The following TTC8 variants were observed in gnomAD, a reference collection of about 807,000 sequenced individuals.
TTC8 encodes the protein tetratricopeptide repeat protein 8.
TTC8 carries 47 observed loss-of-function variants against 72.5 expected under a neutral mutation model. The ratio of observed to expected loss-of-function variants is 0.65; its 90% CI spans 0.51 to 0.83. The LOEUF (loss-of-function observed/expected upper bound fraction) is 0.83, where lower values mean the gene tolerates loss of function less well. Ranked by LOEUF, TTC8 falls within the 40% of genes least tolerant of loss-of-function variation. The pLI, the probability that TTC8 is intolerant of heterozygous loss-of-function variation, is 0.00. For synonymous variants in TTC8, 199 were observed against 221.4 expected, an observed-to-expected ratio of 0.90 and a Z score of 0.90; for missense variants, 611 against 623.2, an observed-to-expected ratio of 0.98 and a Z score of 0.21.
intron 6 of TTC8, 44 bp from the exon 7 acceptor site, chr14:88,843,761 TA>T (rs201515510): frequency 0.017 from 19,303 of 1,149,106 alleles, no homozygotes; most frequent in South Asian, 0.022. Context: ...AACAGCAAAT[TA>T]AAAAAAAAAA....
intron 7 of TTC8, among the ~76,000 whole-genome samples, chr14:88,847,293 A>C (rs2094811502): frequency 6.6e-6 from 1 of 152,214 alleles, no homozygotes; most frequent in Non-Finnish European, 1.5e-5. Flanking sequence ...AGCAGAACTC[A>C]AAAACCAGAG....
In TTC8 at chr14:88,825,054, T is replaced by C. The variant is rs1287663; in HGVS notation, c.114+233T>C. Among the ~76,000 whole-genome samples, 105,977 of 152,132 alleles carry C rather than the reference T, an allele frequency of 0.7. 38,667 individuals carry two copies. The highest frequency in any genetic ancestry group is 0.91 in the African/African-American group (37,879 of 41,548). On this transcript the variant is annotated intron_variant, in intron 1 of 14. Coordinates refer to ENST00000380656, the MANE Select transcript of TTC8 (RefSeq NM_144596.4). ...GCCATGACCGCCCCCTCCTCACAAT[T>C]TTCAGCCTCCCCTCCCCTATACGTG...
At chr14:88,835,612 C>G (rs1324032717) in intron 2 of TTC8, among the ~76,000 whole-genome samples, 2 of 152,048 alleles carry the variant, frequency 1.3e-5, no homozygotes, top group African/African-American at 2.4e-5. Context: ...TTTACATAAA[C>G]TATTTTTTAA....
At chr14:88,846,884 C>T (rs761158232) in intron 7 of TTC8, 30 of 345,248 alleles carry the variant, frequency 8.7e-5, no homozygotes, top group Non-Finnish European at 1.5e-4. Flanking sequence ...TTATCGAGAC[C>T]CTAATACGTA....
At chr14:88,865,764 A>G (rs2094906858) in intron 10 of TTC8, among the ~76,000 whole-genome samples, 1 of 152,144 alleles carries the variant, frequency 6.6e-6, no homozygotes, top group East Asian at 1.9e-4. Context: ...ACTAAAAATC[A>G]CTTGATACCA....
At chr14:88,843,709 G>T in intron 6 of TTC8, 97 bp from the exon 7 acceptor site, 1 of 771,392 alleles carries the variant, frequency 1.3e-6, no homozygotes, top group South Asian at 1.7e-5. Context: ...AGATGGATAG[G>T]CCCTTTTATC....
Position 88,834,974 on chromosome 14 carries a change from G to A in TTC8, c.144+1252G>A, listed in dbSNP as rs190336325. On this transcript the variant is annotated intron_variant, in intron 2 of 14. Transcript: ENST00000380656. The stretch of plus-strand genomic sequence containing the variant: ...TAATGATACAAAAGGGAACAAGGCT[G>A]ACTAGATTCTTTTGGCCTTACTATT... Among the ~76,000 whole-genome samples the A allele has an allele frequency of 1.1e-4, 17 of 152,300 alleles. No homozygotes were observed. The East Asian group carries it at 2.5e-3, about 22-fold the overall frequency.
intron 13 of TTC8, among the ~76,000 whole-genome samples, chr14:88,873,515 T>C (rs1404333024): frequency 6.6e-6 from 1 of 152,212 alleles, no homozygotes; most frequent in Non-Finnish European, 1.5e-5. Context: ...ATATCTGTCA[T>C]GTAACTGTTA....
chr14:88,827,570 C>T (rs1470070145), intron 1 of TTC8, among the ~76,000 whole-genome samples: 1 of 152,140 alleles, frequency 6.6e-6, no homozygotes, highest in Non-Finnish European at 1.5e-5. Flanking sequence ...GGTTTTGTTA[C>T]TAGGTAGGGC....
intron 7 of TTC8, chr14:88,846,453 A>G (rs1243099233): frequency 2.2e-5 from 11 of 491,692 alleles, no homozygotes; most frequent in Non-Finnish European, 3.6e-5. Context: ...GAGTAGAAGC[A>G]TGCTTGGGTT....
chr14:88,836,245 C>T (rs961890454), intron 2 of TTC8, among the ~76,000 whole-genome samples: 2 of 152,070 alleles, frequency 1.3e-5, no homozygotes, highest in Non-Finnish European at 2.9e-5. Flanking sequence ...AAACGCAGCA[C>T]TTTAGGAGGC....
chr14:88,877,281 G>A lies in TTC8; in HGVS notation c.1432-13G>A, dbSNP rs756144118. 1.9e-6 allele frequency: 3 copies of A among 1,604,816 alleles called. No individual in the cohort carries two copies. The highest frequency in any genetic ancestry group is 2.7e-5 in the African/African-American group (2 of 74,638). ...GATCTCATTCCATGGTCTTATTCTT[G>A]TATTTTTTGCAGATTGGAGATCTGC... is the stretch of plus-strand genomic sequence containing the variant. On this transcript the variant is annotated splice_polypyrimidine_tract_variant and intron_variant, in intron 14 of 14. Transcript: ENST00000380656.
chr14:88,828,693 C>T (rs1014946680), intron 1 of TTC8, among the ~76,000 whole-genome samples: 1 of 151,958 alleles, frequency 6.6e-6, no homozygotes, highest in African/African-American at 2.4e-5. Context: ...TGAGAAAAAC[C>T]TCTCAAAAAT....
intron 7 of TTC8, among the ~76,000 whole-genome samples, chr14:88,851,067 A>C (rs1483404500): frequency 6.6e-6 from 1 of 152,212 alleles, no homozygotes; most frequent in African/African-American, 2.4e-5. Flanking sequence ...AAGTCAGTAC[A>C]TAAGGATGTT....
At chr14:88,828,741 G>A (rs2094713069) in intron 1 of TTC8, among the ~76,000 whole-genome samples, 1 of 152,140 alleles carries the variant, frequency 6.6e-6, no homozygotes, top group South Asian at 2.1e-4. Context: ...AGCTGGTCCA[G>A]GGAGCTTCAA....
chr14:88,824,267 G>A (rs372846481), upstream of TTC8: 46 of 162,218 alleles, frequency 2.8e-4, no homozygotes, highest in East Asian at 6.7e-3. Flanking sequence ...AAGGTAAAGC[G>A]AAAGGGATGG....
intron 10 of TTC8, among the ~76,000 whole-genome samples, chr14:88,866,198 A>G (rs17124926): frequency 0.11 from 17,057 of 152,152 alleles, 1,034 homozygotes; most frequent in African/African-American, 0.13. Context: ...TAAATTTGAG[A>G]ATGTAAAAGT....
At chr14:88,847,278 A>G (rs2094811470) in intron 7 of TTC8, among the ~76,000 whole-genome samples, 2 of 152,224 alleles carry the variant, frequency 1.3e-5, no homozygotes, top group Non-Finnish European at 2.9e-5. Context: ...GACCTGGGGA[A>G]TATTAGCAGA....
intron 7 of TTC8, among the ~76,000 whole-genome samples, chr14:88,852,569 A>C (rs1426295513): frequency 6.6e-6 from 1 of 152,154 alleles, no homozygotes; most frequent in Non-Finnish European, 1.5e-5. Context: ...GAAAGTGGGC[A>C]CTGCCACTGG....
Sources: allele counts gnomAD v4.1 joint callset (sites outside exome capture counted in the v4.1 genomes callset), GRCh38; gene constraint gnomAD v4.1.1; transcripts MANE v1.5; gene names NCBI Gene and HGNC (gene_info 2026-07-23, HGNC 2026-07-21).